Variants in R3HDM2 observed in about 807,000 individuals in gnomAD.
The protein encoded by R3HDM2 is R3H domain containing 2, also known as R3H domain-containing protein 2.
A neutral mutation model predicts 124.5 loss-of-function variants in R3HDM2; 38 were observed. The observed-to-expected ratio is 0.31, with a 90% CI of 0.24 to 0.40. The LOEUF (loss-of-function observed/expected upper bound fraction) is 0.40. Among genes scored for constraint, R3HDM2 ranks in the 10% least tolerant of loss-of-function variants. The pLI is 1.00. For synonymous variants in R3HDM2, 391 were observed against 448.0 expected (o/e 0.87, Z 1.61); for missense variants, 869 against 1,236.9 (o/e 0.70, Z 4.46).
At chr12:57,408,030 A>G (rs989940533) in intron 1 of R3HDM2, among the ~76,000 whole-genome samples, 4 of 152,042 alleles carry the variant, frequency 2.6e-5, no homozygotes, top group African/African-American at 9.7e-5. Flanking sequence ...CCCAGGTTCA[A>G]GCCATTCTCC....
chr12:57,386,613 G>C (rs1422906142), intron 2 of R3HDM2, among the ~76,000 whole-genome samples: 1 of 152,194 alleles, frequency 6.6e-6, no homozygotes, highest in East Asian at 1.9e-4. Flanking sequence ...CTGCTCCACC[G>C]CGCCCAGTCC....
At chr12:57,314,125 T>C (rs983382142) in intron 2 of R3HDM2, among the ~76,000 whole-genome samples, 1 of 150,234 alleles carries the variant, frequency 6.7e-6, no homozygotes, top group Non-Finnish European at 1.5e-5. Flanking sequence ...AAGGTGGAGG[T>C]TGCGGTGAGC....
In R3HDM2 at chr12:57,395,820, T is replaced by G; in HGVS notation, c.-105-2A>C. On this transcript the variant is annotated splice_acceptor_variant, in intron 1 of 23. Transcript: ENST00000402412. LOFTEE classifies it low-confidence loss of function (5UTR_SPLICE). Reference sequence around the variant, plus strand: ...ACATATAAGAAACAAGTCTAACCTCTGGGGGAGGAGGGGGAAAAAAAAAAA... The same window carrying G: ...ACATATAAGAAACAAGTCTAACCTCGGGGGGAGGAGGGGGAAAAAAAAAAA... 1 of 983,302 alleles carries G rather than the reference T, an allele frequency of 1.0e-6. No individual in the cohort carries two copies. 60.9% of individuals were successfully genotyped at this position (983,302 alleles called of 1,614,324 possible).
intron 2 of R3HDM2, among the ~76,000 whole-genome samples, chr12:57,381,381 G>A (rs537087334): frequency 2.8e-4 from 43 of 152,050 alleles, no homozygotes; most frequent in Non-Finnish European, 4.9e-4. Flanking sequence ...GCGAAACCCT[G>A]TTTCTACAAA....
intron 2 of R3HDM2, among the ~76,000 whole-genome samples, chr12:57,373,879 G>A (rs1318942681): frequency 6.6e-6 from 1 of 151,542 alleles, no homozygotes; most frequent in Non-Finnish European, 1.5e-5. Flanking sequence ...TGCAATCCTA[G>A]CACTTTGGGA....
At chr12:57,270,407 TTTG>T (rs1353659934) in intron 14 of R3HDM2, among the ~76,000 whole-genome samples, 1 of 51,444 alleles carries the variant, frequency 1.9e-5, no homozygotes, top group Non-Finnish European at 5.3e-5. Flanking sequence ...TTTGTTTTGT[TTTG>T]TTTTGTTTTG....
At chr12:57,377,955 G>A (rs753380773) in intron 2 of R3HDM2, among the ~76,000 whole-genome samples, 17 of 152,142 alleles carry the variant, frequency 1.1e-4, no homozygotes, top group Admixed American at 6.5e-5. Flanking sequence ...AGGTGTGGTG[G>A]TGCATGCCTG....
rs188721719 is a variant in R3HDM2, at chr12:57,361,627, C to T, written c.-36+34122G>A. 2.1e-4 allele frequency among the ~76,000 whole-genome samples: 32 copies of T among 151,590 alleles called. No individual in the cohort carries two copies. In the East Asian group the frequency reaches 4.9e-3, roughly 23 times the overall value. ...TGAGCCCAGGAGTTCAAGGCTGCGGCGGTGTGTCATGACTGTGCCATTATA... is the reference window on the plus strand; with the variant it reads ...TGAGCCCAGGAGTTCAAGGCTGCGGTGGTGTGTCATGACTGTGCCATTATA... On this transcript the variant is annotated intron_variant, in intron 2 of 23. Transcript: ENST00000402412.
At chr12:57,259,769 C>A (rs573134019) in intron 19 of R3HDM2, among the ~76,000 whole-genome samples, 1 of 152,308 alleles carries the variant, frequency 6.6e-6, no homozygotes, top group Non-Finnish European at 1.5e-5. Context: ...ACAAGGCTGT[C>A]CCTGCCCTGA....
intron 3 of R3HDM2, among the ~76,000 whole-genome samples, chr12:57,309,490 T>C (rs1222556935): frequency 6.6e-6 from 1 of 152,202 alleles, no homozygotes; most frequent in Non-Finnish European, 1.5e-5. Context: ...CGAATTTGGA[T>C]GAAAAACATG....
chr12:57,354,300 CT>C (rs2061007443), intron 2 of R3HDM2, among the ~76,000 whole-genome samples: 1 of 150,708 alleles, frequency 6.6e-6, no homozygotes, highest in African/African-American at 2.4e-5. Flanking sequence ...GGTTTTTTTT[CT>C]TGTTGTTTTT....
chr12:57,260,645 T>C (rs2040563997), intron 19 of R3HDM2, among the ~76,000 whole-genome samples: 2 of 152,160 alleles, frequency 1.3e-5, no homozygotes, highest in African/African-American at 4.8e-5. Context: ...ATATTCCTGT[T>C]GAGGCTGAGT....
chr12:57,344,125 T>C (rs2059871256), intron 2 of R3HDM2, among the ~76,000 whole-genome samples: 1 of 152,214 alleles, frequency 6.6e-6, no homozygotes, highest in African/African-American at 2.4e-5. Context: ...GCTTTCATGA[T>C]GACTCTTCAC....
intron 22 of R3HDM2, 74 bp from the exon 23 acceptor site, chr12:57,256,148 G>A: frequency 6.9e-7 from 1 of 1,453,094 alleles, no homozygotes; most frequent in Non-Finnish European, 9.7e-7. Flanking sequence ...GTCTGCCTGA[G>A]AGATTGTGGA....
Position 57,255,030 on chromosome 12 carries a change from T to G in R3HDM2, c.2716A>C (p.Met906Leu). 6.5e-7 allele frequency: 1 copy of G among 1,544,268 alleles called. No individual in the cohort carries two copies. The highest frequency in any genetic ancestry group is 8.8e-7 in the Non-Finnish European group (1 of 1,137,006). ...AGCCACTGGATCTTGGCGCCAGACATGGCGAGCTGCGTGAAGAGTTTGTCC... is the reference window on the plus strand; with the variant it reads ...AGCCACTGGATCTTGGCGCCAGACAGGGCGAGCTGCGTGAAGAGTTTGTCC... ...EADKLFTQLA[M>L]SGAKIQWLKD... The change falls in exon 24 of 24, where the codon ATG becomes CTG. Residue 906 changes from methionine (M) to leucine (L), a missense_variant. By Grantham distance (15) the Met-to-Leu change is conservative. Around this residue, in one of 2 missense-constraint regions of R3HDM2, gnomAD observed 602 missense variants for 789.2 expected, o/e 0.76. Coordinates refer to ENST00000402412, the MANE Select transcript of R3HDM2 (RefSeq NM_001394031.1).
intron 19 of R3HDM2, among the ~76,000 whole-genome samples, chr12:57,266,114 T>C (rs540646814): frequency 2.0e-5 from 3 of 149,250 alleles, no homozygotes; most frequent in Admixed American, 6.6e-5. Context: ...TTCTTTTTTT[T>C]TTTTTTTTTG....
rs1338805798 is a variant in R3HDM2 at position 57,256,003 on chromosome 12, C to T, written c.2619G>A (p.Gly873=). Residue 873 remains glycine (G), a synonymous_variant, in exon 23 of 24, where the codon GGG becomes GGA. Coordinates refer to ENST00000402412, the MANE Select transcript of R3HDM2 (RefSeq NM_001394031.1). The part of the protein sequence containing the change: ...QALKSASTDL[G]TADVVLGRVL... ...CCCGTGACTCACCAACATCTGCTGT[C>T]CCCAGGTCAGTGGAGGCAGATTTGA... 1 of 1,613,164 alleles carries T rather than the reference C, an allele frequency of 6.2e-7. No individual in the cohort carries two copies. The highest frequency in any genetic ancestry group is 8.5e-7 in the Non-Finnish European group (1 of 1,179,524).
intron 2 of R3HDM2, chr12:57,341,514 G>T: frequency 1.6e-6 from 1 of 623,764 alleles, no homozygotes; most frequent in Non-Finnish European, 2.0e-6. Context: ...AGAAGCCAAG[G>T]CCAGCAAATA....
intron 1 of R3HDM2, chr12:57,418,255 C>T: frequency 1.0e-6 from 1 of 985,414 alleles, no homozygotes; most frequent in Non-Finnish European, 1.2e-6. Flanking sequence ...CTGGAACCAT[C>T]TCACATTCAT....
Sources: gnomAD v4.1 joint callset for allele counts (sites outside exome capture counted in the v4.1 genomes callset) on GRCh38, gnomAD v4.1.1 for gene constraint, gnomAD v4.1.1 regional missense constraint, MANE v1.5 for transcripts, NCBI Gene and HGNC (gene_info 2026-07-23, HGNC 2026-07-21) for gene names.